PIAS1: variants seen among roughly 807,000 people sequenced by gnomAD.
PIAS1 encodes the protein E3 SUMO-protein ligase PIAS1.
Under a neutral mutation model 71.3 loss-of-function variants are expected in PIAS1, and 6 were observed. That is an observed-to-expected ratio of 0.08 (90% CI 0.05 to 0.17). The LOEUF is 0.17. PIAS1 is among the 10% of genes least tolerant of loss of function. The pLI, the probability that PIAS1 is intolerant of heterozygous loss-of-function variation, is 1.00. For missense variants in PIAS1, 555 were observed against 793.6 expected, an observed-to-expected ratio of 0.70 and a Z score of 3.61; for synonymous variants, 303 against 292.9, an observed-to-expected ratio of 1.03 and a Z score of -0.35.
At chr15:68,118,250 G>C (rs1056869255) in intron 2 of PIAS1, among the ~76,000 whole-genome samples, 2 of 151,934 alleles carry the variant, frequency 1.3e-5, no homozygotes, top group African/African-American at 4.8e-5. Flanking sequence ...GAACCTGGGA[G>C]GTGAAAGTTG....
At position 68,173,718 on chromosome 15, in the gene PIAS1, C is replaced by T; in HGVS notation, c.1009-14C>T. 1 of 1,500,440 alleles carries T rather than the reference C, an allele frequency of 6.7e-7. No homozygotes were observed. 92.9% of individuals were successfully genotyped at this position (1,500,440 alleles called of 1,614,324 possible). A position where few individuals can be genotyped will look rare whatever the true frequency, so the allele number is the denominator to read the frequency against. On this transcript the variant is annotated splice_polypyrimidine_tract_variant and intron_variant, in intron 8 of 13. Coordinates refer to ENST00000249636, the MANE Select transcript of PIAS1 (RefSeq NM_016166.3). This position sits in a 1 kb window ranked among gnomAD's most constrained non-coding sequence, Gnocchi z 4.3. The stretch of plus-strand genomic sequence containing the variant: ...AGCAATTATCTAATATTTACTTTTT[C>T]TCCCTTTTTAAAGCTTGGTAAAATG...
intron 2 of PIAS1, among the ~76,000 whole-genome samples, chr15:68,119,636 C>T (rs1312590304): frequency 6.6e-6 from 1 of 152,128 alleles, no homozygotes; most frequent in African/African-American, 2.4e-5. Context: ...AAAAAATACA[C>T]ATTCTGCTGT....
chr15:68,054,600 G>A lies in PIAS1; in HGVS notation c.24+250G>A, dbSNP rs535724836. On this transcript the variant is annotated intron_variant, in intron 1 of 13. Transcript: ENST00000249636. The surrounding 1 kb of genome is among the most constrained non-coding windows in gnomAD (Gnocchi z 4.6). ...ATTGTTGTGGGCGCCTCTGGCGGGGGTGGCGGGGGAAGAGATAGGGAGTCC... is the reference window on the plus strand; with the variant it reads ...ATTGTTGTGGGCGCCTCTGGCGGGGATGGCGGGGGAAGAGATAGGGAGTCC... 9.5e-5 allele frequency: 41 copies of A among 432,996 alleles called. No individual in the cohort carries two copies. In the South Asian group the frequency reaches 1.5e-3, roughly 16 times the overall value. The allele number at this position is 432,996 out of a possible 1,614,324, so 26.8% of individuals were successfully genotyped here.
At chr15:68,142,920 A>G (rs1056243442) in intron 4 of PIAS1, among the ~76,000 whole-genome samples, 3 of 152,136 alleles carry the variant, frequency 2.0e-5, no homozygotes, top group African/African-American at 4.8e-5. Context: ...CATTTGAGAC[A>G]TCTCTTAAAA....
Position 68,160,638 on chromosome 15 carries a change from C to T in PIAS1, c.935-4093C>T, listed in dbSNP as rs545312033. Among the ~76,000 whole-genome samples, 19 of 152,222 alleles carry T rather than the reference C, an allele frequency of 1.2e-4. No individual in the cohort carries two copies. The South Asian group carries it at 1.5e-3, about 12-fold the overall frequency. ...CCAAACAGAATTTATTTCTGTAATA[C>T]GAAGTTGGTTTCAGCATTCAAATGC... is the stretch of plus-strand genomic sequence containing the variant. On this transcript the variant is annotated intron_variant, in intron 7 of 13. Transcript: ENST00000249636.
intron 13 of PIAS1, chr15:68,184,712 G>A (rs1054136205): frequency 9.2e-5 from 14 of 152,472 alleles, no homozygotes. Context: ...TTTTCAATAC[G>A]CATGAAACCT....
chr15:68,072,986 T>C (rs1417245946), intron 1 of PIAS1, among the ~76,000 whole-genome samples: 2 of 152,112 alleles, frequency 1.3e-5, no homozygotes, highest in Non-Finnish European at 2.9e-5. Context: ...TTATATAATG[T>C]CCTTATTTGT....
intron 1 of PIAS1, among the ~76,000 whole-genome samples, chr15:68,068,805 G>A (rs1459337448): frequency 4.0e-5 from 6 of 151,702 alleles, no homozygotes; most frequent in East Asian, 1.9e-4. Flanking sequence ...TCTCATCCAC[G>A]AAGAAGTTGA....
rs1327144999 is a variant in PIAS1, at chr15:68,181,345, G to A, written c.1615G>A (p.Asp539Asn). The A allele has an allele frequency of 4.3e-6, 7 of 1,613,290 alleles. No homozygotes were observed. Among genetic ancestry groups the A allele is most frequent in the East Asian group, 2.2e-5 (1 of 44,872 alleles). Residue 539 changes from aspartate (D) to asparagine (N), a missense_variant, in exon 12 of 14, where the codon GAC (aspartate) becomes AAC (asparagine). Around this residue, in one of 5 missense-constraint regions of PIAS1, gnomAD observed 244 missense variants for 307.5 expected, o/e 0.79. Transcript: ENST00000249636. ...HPFHMTPMPY[D>N]LQGLDFFPFL... Reference sequence around the variant, plus strand: ...TTTCCACATGACACCCATGCCTTACGACTTACAAGGTGAGTCACTGGTTCT... The same window carrying A: ...TTTCCACATGACACCCATGCCTTACAACTTACAAGGTGAGTCACTGGTTCT...
At chr15:68,158,695 G>A (rs774592309) in intron 7 of PIAS1, among the ~76,000 whole-genome samples, 12 of 152,066 alleles carry the variant, frequency 7.9e-5, no homozygotes, top group Non-Finnish European at 8.8e-5. Context: ...CTGTTTCTTT[G>A]CTTATAAAAT....
In PIAS1 at chr15:68,097,760, T is replaced by C. The variant is rs545422434; in HGVS notation, c.469+11010T>C. 3.3e-5 allele frequency among the ~76,000 whole-genome samples: 5 copies of C among 152,308 alleles called. No individual in the cohort carries two copies. The South Asian group carries it at 1.0e-3, about 32-fold the overall frequency. ...CATGTTGTAATTTATTAAATGCTTT[T>C]TCAACATCTGATGAGATGATTGTAT... On this transcript the variant is annotated intron_variant, in intron 2 of 13. Coordinates refer to ENST00000249636, the MANE Select transcript of PIAS1 (RefSeq NM_016166.3).
chr15:68,181,083 G>A, intron 11 of PIAS1, 129 bp from the exon 12 acceptor site: 1 of 682,252 alleles, frequency 1.5e-6, no homozygotes, highest in East Asian at 2.7e-5. Flanking sequence ...ATTATACATT[G>A]CTTTGCTTGG....
chr15:68,155,681 A>G (rs2092884138), intron 7 of PIAS1, among the ~76,000 whole-genome samples: 1 of 152,152 alleles, frequency 6.6e-6, no homozygotes, highest in Admixed American at 6.5e-5. Context: ...TATTATTTAG[A>G]CTTTTCACAG....
At chr15:68,146,030 T>A (rs2092805351) in intron 5 of PIAS1, 124 bp downstream of exon 5, 1 of 647,162 alleles carries the variant, frequency 1.5e-6, no homozygotes. Flanking sequence ...ATATATTCAT[T>A]GACTGGGTGA....
intron 8 of PIAS1, 106 bp downstream of exon 8, chr15:68,164,910 C>A: frequency 1.6e-6 from 1 of 632,622 alleles, no homozygotes; most frequent in Non-Finnish European, 2.8e-6. Context: ...TAAAATATGT[C>A]CACCATTGTT....
chr15:68,135,498 C>A (rs1314250646), intron 2 of PIAS1, among the ~76,000 whole-genome samples: 2 of 37,366 alleles, frequency 5.4e-5, no homozygotes, highest in Admixed American at 1.9e-4. Flanking sequence ...GGGGGCTAAC[C>A]CCCCCCACCT....
intron 1 of PIAS1, among the ~76,000 whole-genome samples, chr15:68,079,636 A>ATTATTTT (rs752315171): frequency 1.2e-3 from 175 of 151,116 alleles, no homozygotes; most frequent in Middle Eastern, 3.4e-3. Context: ...GGCCTGGCTA[A>ATTATTTT]TTATTTTTTA....
chr15:68,187,432 C>A lies in PIAS1; in HGVS notation c.1663-110C>A. The A allele has an allele frequency of 1.0e-6, 1 of 967,462 alleles. No homozygotes were observed. The highest frequency in any genetic ancestry group is 1.6e-6 in the Non-Finnish European group (1 of 644,942). 59.9% of individuals were successfully genotyped at this position (967,462 alleles called of 1,614,324 possible). On this transcript the variant is annotated intron_variant, in intron 13 of 13. Coordinates refer to ENST00000249636, the MANE Select transcript of PIAS1 (RefSeq NM_016166.3). The surrounding 1 kb of genome is among the most constrained non-coding windows in gnomAD (Gnocchi z 5.3). ...AATGTCTTAGTAAATATTTCAGAAA[C>A]CCTAGATACTCAGGCTATCTTAAAT... is the stretch of plus-strand genomic sequence containing the variant.
chr15:68,098,588 G>A (rs1378393249), intron 2 of PIAS1, among the ~76,000 whole-genome samples: 1 of 152,142 alleles, frequency 6.6e-6, no homozygotes, highest in African/African-American at 2.4e-5. Context: ...AAACTCAAAA[G>A]TTACAAAAGG....
Sources: allele counts gnomAD v4.1 joint callset (sites outside exome capture counted in the v4.1 genomes callset), GRCh38; gene constraint gnomAD v4.1.1; regional missense constraint gnomAD v4.1.1; non-coding constraint Gnocchi (gnomAD v3.1); transcripts MANE v1.5; gene names NCBI Gene and HGNC (gene_info 2026-07-23, HGNC 2026-07-21).